Variants in ANKRD30B observed in about 807,000 individuals in gnomAD.
ANKRD30B encodes the protein ankyrin repeat domain 30B, also known as ankyrin repeat domain-containing protein 30B.
ANKRD30B carries 144 observed loss-of-function variants against 202.2 expected under a neutral mutation model. The ratio of observed to expected loss-of-function variants is 0.71; its 90% CI spans 0.62 to 0.82. ANKRD30B has a LOEUF of 0.82. ANKRD30B is among the 40% of genes least tolerant of loss of function. The pLI is 0.00. For synonymous variants in ANKRD30B, 508 were observed against 561.3 expected (o/e 0.91, Z 1.34); for missense variants, 1,487 against 1,669.1 (o/e 0.89, Z 1.90).
chr18:14,766,567 A>G (rs1299484850), intron 7 of ANKRD30B, among the ~76,000 whole-genome samples: 2 of 151,984 alleles, frequency 1.3e-5, no homozygotes, highest in Non-Finnish European at 2.9e-5. Flanking sequence ...GGACAGACCA[A>G]CCATTTTCTT....
At chr18:14,910,756 T>A in the ANKRD30B span, among the ~76,000 whole-genome samples, 33 of 152,266 alleles carry the variant, frequency 2.2e-4, no homozygotes, top group African/African-American at 7.7e-4. Flanking sequence ...AGTGTATAAG[T>A]GTTCTCTTTT....
the ANKRD30B span, chr18:14,889,853 T>A: frequency 2.4e-6 from 1 of 412,536 alleles, no homozygotes; most frequent in Non-Finnish European, 4.3e-6. Context: ...AACGTTTGAG[T>A]ATAAAGTGTT....
chr18:14,829,788 A>G (rs1970823072), intron 33 of ANKRD30B, among the ~76,000 whole-genome samples: 1 of 152,208 alleles, frequency 6.6e-6, no homozygotes, highest in South Asian at 2.1e-4. Flanking sequence ...AAGTCTCCAC[A>G]ATCAGAATAG....
At chr18:14,772,709 G>GTT (rs34769482) in intron 9 of ANKRD30B, among the ~76,000 whole-genome samples, 34 of 113,754 alleles carry the variant, frequency 3.0e-4, no homozygotes, top group Middle Eastern at 4.6e-3. Context: ...AGCATATAGG[G>GTT]TTTTTTTTTT....
In ANKRD30B at chr18:14,755,018, T is replaced by C. The variant is rs780792602; in HGVS notation, c.617+13T>C. The C allele has an allele frequency of 5.0e-5, 62 of 1,242,654 alleles. No homozygotes were observed. The highest frequency in any genetic ancestry group is 6.3e-5 in the Non-Finnish European group (59 of 939,998). 77.0% of individuals were successfully genotyped at this position (1,242,654 alleles called of 1,614,324 possible). A position where few individuals can be genotyped will look rare whatever the true frequency, so the allele number is the denominator to read the frequency against. The stretch of plus-strand genomic sequence containing the variant: ...ATGAGTCTAAATGGTATGGTAGTTC[T>C]TTTTTTTTACTAAAAAACACTTGAC... On this transcript the variant is annotated intron_variant, in intron 4 of 43. Coordinates refer to ENST00000690538, the MANE Select transcript of ANKRD30B (RefSeq NM_001367607.2).
intron 24 of ANKRD30B, among the ~76,000 whole-genome samples, chr18:14,807,109 T>A (rs1969570796): frequency 6.6e-6 from 1 of 150,930 alleles, no homozygotes; most frequent in Admixed American, 6.6e-5. Flanking sequence ...AGAGTTTATG[T>A]CCCCTGAAGT....
the ANKRD30B span, among the ~76,000 whole-genome samples, chr18:14,937,745 C>T: frequency 1.3e-5 from 2 of 152,154 alleles, no homozygotes; most frequent in Non-Finnish European, 2.9e-5. Context: ...CTTTGCCTTT[C>T]GTTGCTTCGC....
At chr18:14,845,675 C>T (rs1971609623) in intron 39 of ANKRD30B, among the ~76,000 whole-genome samples, 1 of 151,790 alleles carries the variant, frequency 6.6e-6, no homozygotes, top group South Asian at 2.1e-4. Context: ...TTTTAGTTCT[C>T]TTTGCCTAGT....
chr18:14,822,889 G>T (rs1321871466), intron 32 of ANKRD30B, among the ~76,000 whole-genome samples: 1 of 139,084 alleles, frequency 7.2e-6, no homozygotes, highest in Non-Finnish European at 1.5e-5. Context: ...TGTACCTCAT[G>T]TGGTTCTTCT....
At chr18:14,766,098 A>C (rs1029255794) in intron 7 of ANKRD30B, among the ~76,000 whole-genome samples, 12 of 152,190 alleles carry the variant, frequency 7.9e-5, no homozygotes, top group African/African-American at 2.9e-4. Context: ...ATTGAGTTTA[A>C]AAAGCTAGGG....
At chr18:14,805,509 A>G (rs1440315364) in intron 24 of ANKRD30B, among the ~76,000 whole-genome samples, 2 of 150,344 alleles carry the variant, frequency 1.3e-5, no homozygotes, top group East Asian at 1.9e-4. Flanking sequence ...ATGAAAATCA[A>G]TGAATATTTA....
the ANKRD30B span, among the ~76,000 whole-genome samples, chr18:14,865,644 A>C: frequency 9.3e-5 from 13 of 139,072 alleles, no homozygotes; most frequent in Admixed American, 2.9e-4. Context: ...TCTTTTCCTC[A>C]CCATCTTTAT....
chr18:14,878,438 G>A, the ANKRD30B span, among the ~76,000 whole-genome samples: 1 of 151,892 alleles, frequency 6.6e-6, no homozygotes, highest in African/African-American at 2.4e-5. Flanking sequence ...TATTAGATAC[G>A]GTCTTTGCCT....
chr18:14,858,832 C>A (rs575552381), downstream of ANKRD30B, among the ~76,000 whole-genome samples: 22,383 of 81,532 alleles, frequency 0.27, 3,986 homozygotes, highest in African/African-American at 0.35. Flanking sequence ...CCTCATTTCC[C>A]AGACGGGGTG....
intron 32 of ANKRD30B, among the ~76,000 whole-genome samples, chr18:14,823,938 C>T (rs1278146050): frequency 1.3e-5 from 2 of 152,108 alleles, no homozygotes; most frequent in East Asian, 3.9e-4. Context: ...TCGTGCCACT[C>T]CAGCCTTGGT....
intron 30 of ANKRD30B, among the ~76,000 whole-genome samples, chr18:14,820,036 A>G (rs28763736): frequency 6.6e-6 from 1 of 151,912 alleles, no homozygotes; most frequent in Non-Finnish European, 1.5e-5. Flanking sequence ...CTTTTATTTC[A>G]TTGAGCAGTG....
At chr18:14,903,915 C>A in the ANKRD30B span, among the ~76,000 whole-genome samples, 1 of 152,210 alleles carries the variant, frequency 6.6e-6, no homozygotes, top group African/African-American at 2.4e-5. Flanking sequence ...GACCAGATAC[C>A]TGTGTAAGCT....
At chr18:14,932,430 G>A in the ANKRD30B span, among the ~76,000 whole-genome samples, 6 of 152,080 alleles carry the variant, frequency 3.9e-5, no homozygotes, top group South Asian at 2.1e-4. Flanking sequence ...TCCGCCTCCC[G>A]GGTTCACGAC....
the ANKRD30B span, among the ~76,000 whole-genome samples, chr18:14,931,244 C>G: frequency 4.6e-5 from 7 of 152,260 alleles, no homozygotes; most frequent in East Asian, 1.4e-3. Flanking sequence ...CTCTTTAGTC[C>G]AAACCTCTCA....
Sources: gnomAD v4.1 joint callset for allele counts (sites outside exome capture counted in the v4.1 genomes callset) on GRCh38, gnomAD v4.1.1 for gene constraint, MANE v1.5 for transcripts, NCBI Gene and HGNC (gene_info 2026-07-23, HGNC 2026-07-21) for gene names.